Variants in ATG16L1 observed in about 807,000 individuals in gnomAD.
The protein encoded by ATG16L1 is autophagy related 16 like 1, also known as autophagy-related protein 16-1.
A neutral mutation model predicts 88.5 loss-of-function variants in ATG16L1; 37 were observed. That is an observed-to-expected ratio of 0.42 (90% confidence interval 0.32 to 0.55). ATG16L1 has a LOEUF of 0.55. Ranked by LOEUF, ATG16L1 falls within the 20% of genes least tolerant of loss-of-function variation. ATG16L1 has a pLI of 0.13. For missense variants in ATG16L1, 554 were observed against 752.8 expected (o/e 0.74, Z 3.09); for synonymous variants, 301 against 281.0 (o/e 1.07, Z -0.71).
chr2:233,290,093 G>A lies in ATG16L1; in HGVS notation c.1324+119G>A, dbSNP rs1442244750. Reference sequence around the variant, plus strand: ...GTTTGAATTTCAGATCTGGCTTCATGTTTAGAGGGGCACTGAGGATAGTGA... The same window carrying A: ...GTTTGAATTTCAGATCTGGCTTCATATTTAGAGGGGCACTGAGGATAGTGA... On this transcript the variant is annotated intron_variant, in intron 13 of 17. Transcript: ENST00000392017. 11 of 1,535,218 alleles carry A rather than the reference G, an allele frequency of 7.2e-6. No individual in the cohort carries two copies. The East Asian group carries it at 2.5e-4, about 35-fold the overall frequency.
At chr2:233,284,289 A>C (rs907179108) in intron 12 of ATG16L1, among the ~76,000 whole-genome samples, 1 of 151,666 alleles carries the variant, frequency 6.6e-6, no homozygotes, top group African/African-American at 2.4e-5. Flanking sequence ...CTGGGATTAC[A>C]TGCATCCTCC....
intron 5 of ATG16L1, among the ~76,000 whole-genome samples, chr2:233,269,411 C>G (rs977281797): frequency 2.0e-5 from 3 of 152,098 alleles, no homozygotes; most frequent in African/African-American, 7.2e-5. Flanking sequence ...CCACAATGCT[C>G]CAGAATCTGA....
At chr2:233,256,434 G>T (rs143666109) in intron 2 of ATG16L1, among the ~76,000 whole-genome samples, 19 of 152,300 alleles carry the variant, frequency 1.2e-4, no homozygotes, top group African/African-American at 4.6e-4. Context: ...CTTAAGGCAG[G>T]TTCACGTGGT....
Position 233,281,034 on chromosome 2 carries a change from A to G in ATG16L1, c.1061-71A>G. On this transcript the variant is annotated intron_variant, in intron 10 of 17. Coordinates refer to ENST00000392017, the MANE Select transcript of ATG16L1 (RefSeq NM_030803.7). The stretch of plus-strand genomic sequence containing the variant: ...GTGTAATTGGCTTCCATTGTATTTC[A>G]GTGCCCTGTTTTAATGTATTTATTG... 1.1e-5 allele frequency: 11 copies of G among 974,614 alleles called. No individual in the cohort carries two copies. In the South Asian group the frequency reaches 1.7e-4, roughly 15 times the overall value. The allele number at this position is 974,614 out of a possible 1,614,324, so 60.4% of individuals were successfully genotyped here.
In ATG16L1 at chr2:233,269,992, TTC is replaced by T; in HGVS notation, c.642-9_642-8del. 6.4e-7 allele frequency: 1 copy of T among 1,571,194 alleles called. No individual in the cohort carries two copies. The highest frequency in any genetic ancestry group is 8.6e-7 in the Non-Finnish European group (1 of 1,166,078). ...TAAATGGTGGGCTTTTTTTTTTTTT[TTC>T]CCAACAGGAGGCGGCAAGCCCGGCT... On this transcript the variant is annotated splice_polypyrimidine_tract_variant and splice_region_variant and intron_variant, in intron 5 of 17. Transcript: ENST00000392017.
At chr2:233,287,837 C>G (rs1473126169) in intron 12 of ATG16L1, among the ~76,000 whole-genome samples, 1 of 152,162 alleles carries the variant, frequency 6.6e-6, no homozygotes, top group East Asian at 1.9e-4. Context: ...GAGATCACGC[C>G]ACTGCACTCC....
intron 12 of ATG16L1, among the ~76,000 whole-genome samples, chr2:233,286,621 C>CTTT (rs10676895): frequency 0.012 from 1,095 of 93,246 alleles, 20 homozygotes; most frequent in Middle Eastern, 0.03. Flanking sequence ...GAAGCCCAAA[C>CTTT]TTTTTTTTTT....
At position 233,274,771 on chromosome 2, in the gene ATG16L1, G is replaced by A. The variant is rs766621615; in HGVS notation, c.947G>A (p.Cys316Tyr). ...KEVRVPATAL[C>Y]VFDAHDGEVN... ...GTGAGGGTACCAGCTACTGCCTTGTGTGTCTTCGTAAGTATGCTTCAGCCC... is the reference window on the plus strand; with the variant it reads ...GTGAGGGTACCAGCTACTGCCTTGTATGTCTTCGTAAGTATGCTTCAGCCC... Residue 316 changes from cysteine (C) to tyrosine (Y), a missense_variant, in exon 9 of 18, where the codon TGT becomes TAT. Cys to Tyr is a radical substitution (Grantham distance 194, BLOSUM62 -2). Around this residue, in one of 5 missense-constraint regions of ATG16L1, gnomAD observed 370 missense variants for 509.7 expected, o/e 0.73. Transcript: ENST00000392017. The A allele has an allele frequency of 1.2e-6, 2 of 1,610,192 alleles. No individual in the cohort carries two copies. The highest frequency in any genetic ancestry group is 2.2e-5 in the East Asian group (1 of 44,860).
rs551943447 is a variant in ATG16L1, at chr2:233,287,378, A to G, written c.1204-2476A>G. Among the ~76,000 whole-genome samples, 8 of 152,338 alleles carry G rather than the reference A, an allele frequency of 5.3e-5. No individual in the cohort carries two copies. The East Asian group carries it at 1.2e-3, about 22-fold the overall frequency. ...AAAATGAATATACAGATGGTCCCCAATGTAGGGTATTTTCATCTTACAATG... is the reference window on the plus strand; with the variant it reads ...AAAATGAATATACAGATGGTCCCCAGTGTAGGGTATTTTCATCTTACAATG... On this transcript the variant is annotated intron_variant, in intron 12 of 17. Coordinates refer to ENST00000392017, the MANE Select transcript of ATG16L1 (RefSeq NM_030803.7).
intron 7 of ATG16L1, chr2:233,273,410 G>A (rs1185005330): frequency 2.0e-6 from 1 of 508,770 alleles, no homozygotes; most frequent in Non-Finnish European, 3.5e-6. Context: ...GTGGGGATTG[G>A]TTACTAACAG....
chr2:233,285,093 T>C (rs1233057102), intron 12 of ATG16L1, among the ~76,000 whole-genome samples: 1 of 152,208 alleles, frequency 6.6e-6, no homozygotes, highest in East Asian at 1.9e-4. Flanking sequence ...ATAGGGTCAT[T>C]TGAAGCCCTG....
At chr2:233,269,357 C>CTG (rs2125238010) in intron 5 of ATG16L1, among the ~76,000 whole-genome samples, 1 of 152,256 alleles carries the variant, frequency 6.6e-6, no homozygotes, top group East Asian at 1.9e-4. Context: ...AGTAATCAGG[C>CTG]TGTGGGTGTG....
chr2:233,264,833 C>G (rs558248102), intron 4 of ATG16L1, 59 bp from the exon 5 acceptor site: 133 of 1,600,796 alleles, frequency 8.3e-5, no homozygotes, highest in Middle Eastern at 6.6e-4. Context: ...CCAGGTCCGT[C>G]TGGCTCTGGC....
intron 12 of ATG16L1, among the ~76,000 whole-genome samples, chr2:233,289,408 T>TGTGTGTGTGTGTGTGAGAGAGA (rs144316394): frequency 0.02 from 2,930 of 149,532 alleles, 56 homozygotes; most frequent in South Asian, 0.047. Context: ...TGTGTGTGTG[T>TGTGTGTGTGTGTGTGAGAGAGA]GACAGGATCT....
Position 233,253,332 on chromosome 2 carries a change from G to GTTTTTTT in ATG16L1, c.115+1391_115+1397dup, listed in dbSNP as rs570754671. 1.3e-3 allele frequency among the ~76,000 whole-genome samples: 146 copies of GTTTTTTT among 112,896 alleles called. 19 individuals are homozygous for GTTTTTTT. The highest frequency in any genetic ancestry group is 2.6e-3 in the African/African-American group (78 of 30,118). 74.1% of individuals were successfully genotyped at this position (112,896 alleles called of 152,430 possible). ...CACAGCAGGTTAATGGTGAGACTGG[G>GTTTTTTT]TTTTTTTGTTTTTTTTTTTTTTTTT... On this transcript the variant is annotated intron_variant, in intron 1 of 17. Transcript: ENST00000392017.
intron 3 of ATG16L1, 143 bp from the exon 4 acceptor site, chr2:233,263,848 CT>C (rs1170835763): frequency 4.6e-6 from 3 of 651,344 alleles, no homozygotes; most frequent in Admixed American, 5.6e-5. Context: ...GATAGTTCCC[CT>C]TTGTGTCCCC....
intron 1 of ATG16L1, 93 bp from the exon 2 acceptor site, chr2:233,256,009 A>G: frequency 1.0e-6 from 1 of 974,592 alleles, no homozygotes. Context: ...ATGTTCCTGT[A>G]TTGCATCCTT....
chr2:233,290,111 G>A (rs1284570300), intron 13 of ATG16L1, 137 bp downstream of exon 13: 1 of 1,501,468 alleles, frequency 6.7e-7, no homozygotes, highest in African/African-American at 1.4e-5. Context: ...GGGCACTGAG[G>A]ATAGTGATAG....
At chr2:233,254,345 G>C (rs1342507060) in intron 1 of ATG16L1, among the ~76,000 whole-genome samples, 1 of 152,188 alleles carries the variant, frequency 6.6e-6, no homozygotes, top group East Asian at 1.9e-4. Context: ...AAGATCTTCT[G>C]TTTAGGCAGA....
Sources: gnomAD v4.1 joint callset for allele counts (sites outside exome capture counted in the v4.1 genomes callset) on GRCh38, gnomAD v4.1.1 for gene constraint, gnomAD v4.1.1 regional missense constraint, MANE v1.5 for transcripts, NCBI Gene and HGNC (gene_info 2026-07-23, HGNC 2026-07-21) for gene names.